The following MYO1B variants were observed in gnomAD, a reference collection of about 807,000 sequenced individuals.
MYO1B encodes the protein myosin IB, also known as unconventional myosin-Ib.
A neutral mutation model predicts 159.7 loss-of-function variants in MYO1B; 72 were observed. The ratio of observed to expected loss-of-function variants is 0.45; its 90% CI spans 0.37 to 0.55. The LOEUF (loss-of-function observed/expected upper bound fraction) is 0.55. Ranked by LOEUF, MYO1B falls within the 20% of genes least tolerant of loss-of-function variation. The probability of loss-of-function intolerance (pLI) is 0.00; values close to 1 mark genes in which losing one functional copy is unlikely to be tolerated. For missense variants in MYO1B, 1,062 were observed against 1,364.8 expected, an observed-to-expected ratio of 0.78 and a Z score of 3.50; for synonymous variants, 468 against 473.8, an observed-to-expected ratio of 0.99 and a Z score of 0.16.
rs542371051 is a variant in MYO1B at position 191,379,102 on chromosome 2, A to G, written c.1186-2360A>G. Among the ~76,000 whole-genome samples, 83 of 152,326 alleles carry G rather than the reference A, an allele frequency of 5.4e-4. 1 individual carries two copies. The highest frequency in any genetic ancestry group is 3.4e-3 in the Middle Eastern group (1 of 294). ...TGGTCCTGTCTTTTGAATTGACTGGATATGGGTCTTGATCCAAAGTTTTAC... is the reference window on the plus strand; with the variant it reads ...TGGTCCTGTCTTTTGAATTGACTGGGTATGGGTCTTGATCCAAAGTTTTAC... On this transcript the variant is annotated intron_variant, in intron 13 of 30. Transcript: ENST00000392318.
intron 7 of MYO1B, among the ~76,000 whole-genome samples, chr2:191,356,057 T>G (rs1251154845): frequency 1.3e-5 from 2 of 152,206 alleles, no homozygotes; most frequent in African/African-American, 4.8e-5. Flanking sequence ...TACAGCTTTG[T>G]TCTTCCTTTT....
At chr2:191,423,720 A>G (rs1574668971) in intron 30 of MYO1B, 117 bp from the exon 31 acceptor site, 1 of 1,092,486 alleles carries the variant, frequency 9.2e-7, no homozygotes, top group Non-Finnish European at 1.3e-6. Flanking sequence ...GGATTAGGTT[A>G]GGGATGCGCA....
In MYO1B at chr2:191,315,920, T is replaced by C. The variant is rs73981555; in HGVS notation, c.252-14015T>C. 2.8e-3 allele frequency among the ~76,000 whole-genome samples: 422 copies of C among 152,186 alleles called. 3 individuals are homozygous for C. Among genetic ancestry groups the C allele is most frequent in the African/African-American group, 9.7e-3 (403 of 41,478 alleles). On this transcript the variant is annotated intron_variant, in intron 3 of 30. Transcript: ENST00000392318. ...CAGAATTCCCTTAGAATCTATAGGG[T>C]TGGGGAAGGGGAACAAGGTTTCGGC...
chr2:191,380,645 G>A (rs1024267067), intron 13 of MYO1B, among the ~76,000 whole-genome samples: 1 of 152,208 alleles, frequency 6.6e-6, no homozygotes, highest in African/African-American at 2.4e-5. Flanking sequence ...TAAAGCTTCT[G>A]TCAACAAATT....
intron 1 of MYO1B, among the ~76,000 whole-genome samples, chr2:191,254,730 A>G (rs185915321): frequency 1.3e-5 from 2 of 151,618 alleles, no homozygotes; most frequent in Admixed American, 1.3e-4. Flanking sequence ...GGCCTCAATC[A>G]GTTCTCCTGC....
intron 1 of MYO1B, among the ~76,000 whole-genome samples, chr2:191,252,157 G>A (rs903688122): frequency 1.3e-5 from 2 of 152,098 alleles, no homozygotes; most frequent in Non-Finnish European, 2.9e-5. Flanking sequence ...TGTTATTTTT[G>A]TGATCCTCAT....
Position 191,386,035 on chromosome 2 carries a change from A to C in MYO1B, c.1505A>C (p.Asp502Ala). ...RMSKCSRFLN[D>A]TSLPHSCFRI... ...AGCAAGTGCTCTCGGTTCCTCAATGACACGTCTCTGCCTCACAGCTGCTTC... is the reference window on the plus strand; with the variant it reads ...AGCAAGTGCTCTCGGTTCCTCAATGCCACGTCTCTGCCTCACAGCTGCTTC... The change falls in exon 16 of 31, where the codon GAC becomes GCC. Residue 502 changes from aspartate to alanine, a missense_variant. Coordinates refer to ENST00000392318, the MANE Select transcript of MYO1B (RefSeq NM_001130158.3). 1 of 1,614,130 alleles carries C rather than the reference A, an allele frequency of 6.2e-7. No individual in the cohort carries two copies. The highest frequency in any genetic ancestry group is 8.5e-7 in the Non-Finnish European group (1 of 1,179,998).
chr2:191,331,306 AC>A (rs1691457973), intron 4 of MYO1B, among the ~76,000 whole-genome samples: 1 of 146,470 alleles, frequency 6.8e-6, no homozygotes, highest in South Asian at 2.1e-4. Context: ...GTTATAAACC[AC>A]CTGGTGTAGG....
chr2:191,300,639 C>CTTTTTTTTTTTTTTT (rs1233709923), intron 3 of MYO1B, among the ~76,000 whole-genome samples: 5,243 of 66,846 alleles, frequency 0.078, 1,280 homozygotes, highest in Middle Eastern at 0.15. Flanking sequence ...TGTGCGCAGC[C>CTTTTTTTTTTTTTTT]TTTTTTTTTT....
chr2:191,367,519 T>C (rs1028013850), intron 11 of MYO1B, among the ~76,000 whole-genome samples: 3 of 152,182 alleles, frequency 2.0e-5, no homozygotes, highest in Non-Finnish European at 2.9e-5. Flanking sequence ...GGAATAAATA[T>C]TGTTGAAGAA....
intron 1 of MYO1B, among the ~76,000 whole-genome samples, chr2:191,248,960 T>G (rs187295223): frequency 6.6e-6 from 1 of 152,344 alleles, no homozygotes; most frequent in Admixed American, 6.5e-5. Flanking sequence ...TAGAACTGTA[T>G]TGCTAAAGAG....
chr2:191,397,130 T>TTTC (rs1696146558), intron 21 of MYO1B, among the ~76,000 whole-genome samples: 1 of 107,724 alleles, frequency 9.3e-6, no homozygotes, highest in Non-Finnish European at 1.7e-5. Flanking sequence ...GATGATTTCT[T>TTTC]TTTTTTTTTT....
Position 191,281,497 on chromosome 2 carries a change from T to C in MYO1B, c.135+4467T>C, listed in dbSNP as rs938348148. 3.9e-5 allele frequency among the ~76,000 whole-genome samples: 6 copies of C among 152,232 alleles called. No individual in the cohort carries two copies. In the South Asian group the frequency reaches 6.2e-4, roughly 16 times the overall value. On this transcript the variant is annotated intron_variant, in intron 2 of 30. Coordinates refer to ENST00000392318, the MANE Select transcript of MYO1B (RefSeq NM_001130158.3). The stretch of plus-strand genomic sequence containing the variant: ...GGCTGGGAAATGCTGGTCGTGACGT[T>C]CCCGAGCACTGCTTTTCTGTTTGCT...
At chr2:191,362,417 A>C (rs375204460) in intron 9 of MYO1B, 46 bp downstream of exon 9, 75 of 1,435,218 alleles carry the variant, frequency 5.2e-5, no homozygotes, top group Non-Finnish European at 6.8e-5. Flanking sequence ...ATACCACTGC[A>C]TTGCTCAGCG....
At chr2:191,302,860 A>C (rs904600086) in intron 3 of MYO1B, among the ~76,000 whole-genome samples, 6 of 152,178 alleles carry the variant, frequency 3.9e-5, no homozygotes, top group African/African-American at 1.4e-4. Context: ...GTAAGCAATT[A>C]GTGGGAGCAC....
chr2:191,400,831 CTAAGG>C lies in MYO1B; in HGVS notation c.2468_2469+3del. The C allele has an allele frequency of 6.2e-7, 1 of 1,613,780 alleles. No homozygotes were observed. The highest frequency in any genetic ancestry group is 1.1e-5 in the South Asian group (1 of 91,042). On this transcript the variant is annotated splice_donor_variant and coding_sequence_variant, in exon 23 of 31. Transcript: ENST00000392318. LOFTEE classifies it high-confidence loss of function. Reference sequence around the variant, plus strand: ...GTTATTTGGGCTTACTGGCTTGGATCTAAGGTACTTGATGCACATATCCCAACACT... The same window carrying C: ...GTTATTTGGGCTTACTGGCTTGGATCTACTTGATGCACATATCCCAACACT...
intron 24 of MYO1B, 124 bp downstream of exon 24, chr2:191,402,842 G>T: frequency 1.5e-6 from 1 of 669,144 alleles, no homozygotes; most frequent in Non-Finnish European, 2.4e-6. Flanking sequence ...ATGTCATCTT[G>T]CTTAATTTTG....
chr2:191,393,108 G>C lies in MYO1B; in HGVS notation c.2112G>C (p.Leu704=). ...FKLEDLRKQR[L]EDLATLIQKI... is the part of the protein sequence containing the mutation. ...TAGAAGACCTGAGGAAGCAACGCCTGGAGGACTTGGCCACTCTCATTCAGA... is the reference window on the plus strand; with the variant it reads ...TAGAAGACCTGAGGAAGCAACGCCTCGAGGACTTGGCCACTCTCATTCAGA... Residue 704 remains leucine, a synonymous_variant, in exon 20 of 31, where the codon CTG becomes CTC. Coordinates refer to ENST00000392318, the MANE Select transcript of MYO1B (RefSeq NM_001130158.3). 1 of 1,613,860 alleles carries C rather than the reference G, an allele frequency of 6.2e-7. No individual in the cohort carries two copies. The highest frequency in any genetic ancestry group is 8.5e-7 in the Non-Finnish European group (1 of 1,179,872).
chr2:191,307,733 A>T (rs1165751726), intron 3 of MYO1B, among the ~76,000 whole-genome samples: 1 of 152,084 alleles, frequency 6.6e-6, no homozygotes, highest in African/African-American at 2.4e-5. Flanking sequence ...AGTCAACCCC[A>T]CACGTTTGGG....
Sources: allele counts gnomAD v4.1 joint callset (sites outside exome capture counted in the v4.1 genomes callset), GRCh38; gene constraint gnomAD v4.1.1; transcripts MANE v1.5; gene names NCBI Gene and HGNC (gene_info 2026-07-23, HGNC 2026-07-21).